The following PALLD variants were observed in gnomAD, a reference collection of about 807,000 sequenced individuals.
The protein encoded by PALLD is palladin.
A neutral mutation model predicts 123.5 loss-of-function variants in PALLD; 61 were observed. The ratio of observed to expected loss-of-function variants is 0.49; its 90% CI spans 0.40 to 0.61. PALLD has a LOEUF of 0.61. Among genes scored for constraint, PALLD ranks in the 20% least tolerant of loss-of-function variants. The pLI, the probability that PALLD is intolerant of heterozygous loss-of-function variation, is 0.00. For missense variants in PALLD, 1,273 were observed against 1,377.0 expected (o/e 0.92, Z 1.20); for synonymous variants, 465 against 496.4 (o/e 0.94, Z 0.84).
chr4:168,925,014 G>A lies in PALLD; in HGVS notation c.3294G>A (p.Trp1098Ter). The change falls in exon 20 of 22, where the codon TGG (tryptophan) becomes TGA (stop). Residue 1098 changes from tryptophan (W) to a stop codon, truncating the protein, a stop_gained. Coordinates refer to ENST00000505667, the MANE Select transcript of PALLD (RefSeq NM_001166108.2). LOFTEE classifies it high-confidence loss of function. ...GAGCCACAAAAGAAGATGCTGGGTGGTATACTGTGTCAGCCAAGAATGAAG... is the reference window on the plus strand; with the variant it reads ...GAGCCACAAAAGAAGATGCTGGGTGATATACTGTGTCAGCCAAGAATGAAG... ...IQGATKEDAGWYTVSAKNEAG... is the reference protein window; with the variant it reads ...IQGATKEDAG The A allele has an allele frequency of 6.2e-7, 1 of 1,614,060 alleles. No individual in the cohort carries two copies. The highest frequency in any genetic ancestry group is 8.5e-7 in the Non-Finnish European group (1 of 1,179,952).
At chr4:168,602,268 A>G (rs1338075227) in intron 2 of PALLD, among the ~76,000 whole-genome samples, 3 of 152,204 alleles carry the variant, frequency 2.0e-5, no homozygotes, top group Non-Finnish European at 4.4e-5. Flanking sequence ...CAGCCATTCC[A>G]CCATTTGTTG....
intron 10 of PALLD, among the ~76,000 whole-genome samples, chr4:168,823,612 G>A (rs919276943): frequency 6.6e-6 from 1 of 152,068 alleles, no homozygotes; most frequent in African/African-American, 2.4e-5. Context: ...CCCAGAAGAT[G>A]GAGACTGCAA....
intron 9 of PALLD, among the ~76,000 whole-genome samples, chr4:168,711,255 C>T (rs1292956415): frequency 1.3e-5 from 2 of 152,180 alleles, no homozygotes; most frequent in East Asian, 1.9e-4. Context: ...GAGGACAAAG[C>T]ATTGTTGGTT....
chr4:168,793,695 C>T (rs1737974699), intron 10 of PALLD, among the ~76,000 whole-genome samples: 1 of 152,052 alleles, frequency 6.6e-6, no homozygotes, highest in Non-Finnish European at 1.5e-5. Context: ...TTGGACATGT[C>T]GAACATCATA....
chr4:168,585,856 G>T (rs1364811170), intron 2 of PALLD, among the ~76,000 whole-genome samples: 1 of 152,160 alleles, frequency 6.6e-6, no homozygotes, highest in Non-Finnish European at 1.5e-5. Context: ...CCAGAGCTGA[G>T]ATTTCCACAC....
Position 168,681,540 on chromosome 4 carries a change from ATTTTTT to A in PALLD, c.1154+160_1154+165del, listed in dbSNP as rs34328020. The A allele has an allele frequency of 6.1e-3, 2,085 of 340,116 alleles. 45 individuals carry two copies. The highest frequency in any genetic ancestry group is 0.052 in the African/African-American group (1,640 of 31,682). 21.1% of individuals were successfully genotyped at this position (340,116 alleles called of 1,614,324 possible). ...GATCAAATACTGAGGTTGGAACACA[ATTTTTT>A]TTTTTTTTTTTTTTTTTGAGACAGG... On this transcript the variant is annotated intron_variant, in intron 4 of 21. Transcript: ENST00000505667.
rs543126869 is a variant in PALLD at position 168,738,673 on chromosome 4, C to T, written c.1964+26750C>T. 4.1e-4 allele frequency among the ~76,000 whole-genome samples: 61 copies of T among 149,634 alleles called. 3 individuals carry two copies. In the East Asian group the frequency reaches 4.9e-3, roughly 12 times the overall value. ...CTCGATCTCCTGACCTCAGGTGATC[C>T]GCCCGCCTCGGCCTCCCAAAGTGCT... On this transcript the variant is annotated intron_variant, in intron 10 of 21. Coordinates refer to ENST00000505667, the MANE Select transcript of PALLD (RefSeq NM_001166108.2).
chr4:168,816,417 T>A (rs369526484), intron 10 of PALLD, among the ~76,000 whole-genome samples: 6,704 of 111,752 alleles, frequency 0.06, 208 homozygotes, highest in Middle Eastern at 0.16. Flanking sequence ...ATATATATTT[T>A]TTTTAAGTAT....
chr4:168,676,446 A>C (rs1444100683), intron 3 of PALLD, among the ~76,000 whole-genome samples: 1 of 151,668 alleles, frequency 6.6e-6, no homozygotes, highest in Non-Finnish European at 1.5e-5. Context: ...AAATATGTAT[A>C]AAAGGATAAA....
At chr4:168,856,564 C>T (rs549928168) in intron 10 of PALLD, among the ~76,000 whole-genome samples, 18 of 152,164 alleles carry the variant, frequency 1.2e-4, no homozygotes, top group Admixed American at 4.6e-4. Flanking sequence ...GGTATCTCAT[C>T]GTGGTTTTGG....
At chr4:168,740,482 C>T (rs568047979) in intron 10 of PALLD, among the ~76,000 whole-genome samples, 1 of 152,252 alleles carries the variant, frequency 6.6e-6, no homozygotes, top group South Asian at 2.1e-4. Flanking sequence ...CCAAAATTTC[C>T]TCATGCTGTG....
At chr4:168,843,055 C>T (rs1294757469) in intron 10 of PALLD, among the ~76,000 whole-genome samples, 1 of 152,186 alleles carries the variant, frequency 6.6e-6, no homozygotes, top group African/African-American at 2.4e-5. Flanking sequence ...ATAGTGCCAC[C>T]TGACCTAACC....
At chr4:168,801,426 A>T (rs930135752) in intron 10 of PALLD, among the ~76,000 whole-genome samples, 8 of 151,998 alleles carry the variant, frequency 5.3e-5, no homozygotes. Context: ...TTATAGGCGC[A>T]TGCCACCACA....
intron 10 of PALLD, among the ~76,000 whole-genome samples, chr4:168,863,093 A>G (rs4407463): frequency 0.087 from 13,223 of 152,264 alleles, 668 homozygotes; most frequent in Middle Eastern, 0.2. Context: ...AAGGGAGTCC[A>G]TGTGTCTAGG....
At chr4:168,850,180 C>T (rs1747532298) in intron 10 of PALLD, among the ~76,000 whole-genome samples, 1 of 152,126 alleles carries the variant, frequency 6.6e-6, no homozygotes. Context: ...TCTGCCAGAA[C>T]CAAGCGTGGG....
chr4:168,727,026 T>C (rs1166218110), intron 10 of PALLD, among the ~76,000 whole-genome samples: 1 of 152,176 alleles, frequency 6.6e-6, no homozygotes, highest in Non-Finnish European at 1.5e-5. Flanking sequence ...GGCCTCCAGC[T>C]CCATCCACAT....
At chr4:168,854,587 G>T (rs557173424) in intron 10 of PALLD, among the ~76,000 whole-genome samples, 166 of 152,250 alleles carry the variant, frequency 1.1e-3, no homozygotes, top group Non-Finnish European at 1.8e-3. Flanking sequence ...AGGGTTCCAG[G>T]TGCCGCCGCT....
intron 16 of PALLD, 99 bp from the exon 17 acceptor site, chr4:168,915,796 A>T: frequency 1.1e-6 from 1 of 905,568 alleles, no homozygotes; most frequent in Admixed American, 1.9e-5. Context: ...TAAGGAAATC[A>T]TATTATTACC....
At chr4:168,815,388 T>C (rs966064979) in intron 10 of PALLD, among the ~76,000 whole-genome samples, 4 of 152,262 alleles carry the variant, frequency 2.6e-5, no homozygotes, top group Non-Finnish European at 4.4e-5. Flanking sequence ...AGATTCTAAC[T>C]GGTGGAAATA....
Sources: allele counts gnomAD v4.1 joint callset (sites outside exome capture counted in the v4.1 genomes callset), GRCh38; gene constraint gnomAD v4.1.1; transcripts MANE v1.5; gene names NCBI Gene and HGNC (gene_info 2026-07-23, HGNC 2026-07-21).